The following PRELID2 variants were observed in gnomAD, a reference collection of about 807,000 sequenced individuals.
PRELID2 encodes PRELI domain containing 2.
PRELID2 carries 25 observed loss-of-function variants against 28.4 expected under a neutral mutation model. The ratio of observed to expected loss-of-function variants is 0.88; its 90% confidence interval spans 0.64 to 1.23. PRELID2 has a LOEUF of 1.23. Ranked by LOEUF, PRELID2 falls within the 50% of genes most tolerant of loss-of-function variation. The pLI is 0.00. For missense variants in PRELID2, 201 were observed against 214.4 expected (o/e 0.94, Z 0.39); for synonymous variants, 76 against 71.6 (o/e 1.06, Z -0.31).
chr5:145,448,828 C>G, the PRELID2 span, among the ~76,000 whole-genome samples: 1 of 152,142 alleles, frequency 6.6e-6, no homozygotes, highest in South Asian at 2.1e-4. Flanking sequence ...TAGTAACTTA[C>G]ACATAGTAAG....
At chr5:145,741,963 T>G (rs1756808983) in intron 1 of PRELID2, among the ~76,000 whole-genome samples, 1 of 69,770 alleles carries the variant, frequency 1.4e-5, no homozygotes, top group Non-Finnish European at 2.7e-5. Context: ...TATAATTAAA[T>G]AAATAAATTT....
the PRELID2 span, among the ~76,000 whole-genome samples, chr5:145,329,098 T>C: frequency 6.6e-6 from 1 of 152,202 alleles, no homozygotes; most frequent in African/African-American, 2.4e-5. Context: ...ATGTGTGGCA[T>C]TATTTCTGAA....
chr5:145,465,501 T>C, the PRELID2 span, among the ~76,000 whole-genome samples: 1 of 152,138 alleles, frequency 6.6e-6, no homozygotes, highest in Non-Finnish European at 1.5e-5. Flanking sequence ...GATACAGTAA[T>C]TGAAAGCATT....
chr5:145,664,050 CTGAG>C (rs1224719751), intron 1 of PRELID2, among the ~76,000 whole-genome samples: 1 of 152,052 alleles, frequency 6.6e-6, no homozygotes, highest in Non-Finnish European at 1.5e-5. Context: ...GATGTGTAAG[CTGAG>C]TAAGTTACTT....
chr5:145,249,623 G>A, the PRELID2 span, among the ~76,000 whole-genome samples: 207 of 152,086 alleles, frequency 1.4e-3, no homozygotes, highest in African/African-American at 4.8e-3. Context: ...ACAGTGTTAG[G>A]CTGCAAATCT....
At chr5:145,460,732 A>G in the PRELID2 span, among the ~76,000 whole-genome samples, 3 of 152,254 alleles carry the variant, frequency 2.0e-5, no homozygotes, top group African/African-American at 7.2e-5. Context: ...ACACAGTCAC[A>G]TAGAAGTATA....
In PRELID2 at chr5:145,774,489, T is replaced by C. The variant is rs149149186; in HGVS notation, c.475-9489A>G. On this transcript the variant is annotated intron_variant, in intron 5 of 6. Transcript: ENST00000683046. ...GACTTTTGTTAACCATTACCTCCCA[T>C]TCTTCCCATGTCCTAAAAAGTAGCT... is the stretch of plus-strand genomic sequence containing the variant. 2.4e-4 allele frequency among the ~76,000 whole-genome samples: 37 copies of C among 152,306 alleles called. No individual in the cohort carries two copies. The East Asian group carries it at 6.6e-3, about 27-fold the overall frequency.
the PRELID2 span, among the ~76,000 whole-genome samples, chr5:145,421,749 A>C: frequency 2.5e-4 from 32 of 129,778 alleles, 1 homozygote; most frequent in East Asian, 2.6e-3. Flanking sequence ...CTGCTCTGAT[A>C]TTAGTTATTT....
intron 1 of PRELID2, among the ~76,000 whole-genome samples, chr5:145,654,020 AAAGAG>A (rs777812141): frequency 2.7e-4 from 41 of 152,166 alleles, no homozygotes; most frequent in Admixed American, 7.2e-4. Context: ...ATAAAGAAGA[AAAGAG>A]AGAAGAATCA....
At chr5:145,297,036 GTTGT>G in the PRELID2 span, among the ~76,000 whole-genome samples, 334 of 152,172 alleles carry the variant, frequency 2.2e-3, 2 homozygotes, top group African/African-American at 7.7e-3. Flanking sequence ...TTTTGATGGG[GTTGT>G]TTGTTTTTTC....
chr5:145,608,006 T>C (rs1487801419), intron 1 of PRELID2, among the ~76,000 whole-genome samples: 1 of 152,130 alleles, frequency 6.6e-6, no homozygotes, highest in East Asian at 1.9e-4. Flanking sequence ...AATGCCCTGC[T>C]TTGTCTTTTT....
chr5:145,467,859 T>G (rs1330714998), downstream of PRELID2, among the ~76,000 whole-genome samples: 9 of 151,958 alleles, frequency 5.9e-5, no homozygotes, highest in Non-Finnish European at 1.5e-5. Flanking sequence ...TTATTTATTT[T>G]CAAGTTTATT....
At chr5:145,318,452 G>A in the PRELID2 span, among the ~76,000 whole-genome samples, 2 of 152,240 alleles carry the variant, frequency 1.3e-5, no homozygotes, top group South Asian at 4.1e-4. Context: ...ATCTAGACTA[G>A]AAAAGGAGGG....
the PRELID2 span, among the ~76,000 whole-genome samples, chr5:145,326,053 G>A: frequency 1.3e-5 from 2 of 152,162 alleles, no homozygotes; most frequent in African/African-American, 4.8e-5. Context: ...CTGTTGCCCA[G>A]GTTGGAGTAC....
intron 5 of PRELID2, among the ~76,000 whole-genome samples, chr5:145,768,409 G>A (rs1209551832): frequency 6.6e-6 from 1 of 152,024 alleles, no homozygotes; most frequent in Non-Finnish European, 1.5e-5. Flanking sequence ...ACGTGCACTG[G>A]GGATTAAATG....
At chr5:145,701,869 T>C (rs1252810568) in intron 1 of PRELID2, among the ~76,000 whole-genome samples, 1 of 152,024 alleles carries the variant, frequency 6.6e-6, no homozygotes, top group Non-Finnish European at 1.5e-5. Flanking sequence ...CTGACCAATG[T>C]GGTGAAACCC....
At chr5:145,831,860 A>T (rs1208942434) in intron 1 of PRELID2, among the ~76,000 whole-genome samples, 1 of 152,182 alleles carries the variant, frequency 6.6e-6, no homozygotes, top group South Asian at 2.1e-4. Context: ...TAAATATTTT[A>T]TAAGAATTAC....
At chr5:145,460,569 T>G in the PRELID2 span, among the ~76,000 whole-genome samples, 4 of 152,232 alleles carry the variant, frequency 2.6e-5, no homozygotes, top group Non-Finnish European at 4.4e-5. Context: ...ACTTGCTTAG[T>G]GTATTCTGGA....
At chr5:145,478,168 T>C (rs973968829) in intron 1 of PRELID2, among the ~76,000 whole-genome samples, 1 of 152,178 alleles carries the variant, frequency 6.6e-6, no homozygotes, top group Admixed American at 6.5e-5. Context: ...TAGTAGCCAT[T>C]TGACTTTGGA....
Sources: allele counts gnomAD v4.1 joint callset (sites outside exome capture counted in the v4.1 genomes callset), GRCh38; gene constraint gnomAD v4.1.1; transcripts MANE v1.5; gene names NCBI Gene and HGNC (gene_info 2026-07-23, HGNC 2026-07-21).